FHOD3: variants seen among roughly 807,000 people sequenced by gnomAD.
FHOD3 encodes formin homology 2 domain containing 3, also known as FH1/FH2 domain-containing protein 3.
A neutral mutation model predicts 173.0 loss-of-function variants in FHOD3; 90 were observed. That is an observed-to-expected ratio of 0.52 (90% confidence interval 0.44 to 0.62). The LOEUF (loss-of-function observed/expected upper bound fraction) is 0.62, where lower values mean the gene tolerates loss of function less well. Ranked by LOEUF, FHOD3 falls within the 20% of genes least tolerant of loss-of-function variation. The probability of loss-of-function intolerance (pLI) is 0.00; values close to 1 mark genes in which losing one functional copy is unlikely to be tolerated. For synonymous variants in FHOD3, 828 were observed against 823.0 expected (o/e 1.01, Z -0.10); for missense variants, 1,945 against 2,034.7 (o/e 0.96, Z 0.85).
chr18:36,470,530 C>A (rs1173415430), intron 3 of FHOD3, among the ~76,000 whole-genome samples: 2 of 152,328 alleles, frequency 1.3e-5, no homozygotes, highest in African/African-American at 4.8e-5. Flanking sequence ...GACTTTCTCA[C>A]GTCCTTGTGC....
intron 14 of FHOD3, among the ~76,000 whole-genome samples, chr18:36,663,604 T>C (rs755750599): frequency 6.6e-6 from 1 of 152,246 alleles, no homozygotes; most frequent in Non-Finnish European, 1.5e-5. Context: ...AAGCCTTCTG[T>C]GCTTCTGTGG....
chr18:36,667,223 C>T (rs897098531), intron 14 of FHOD3, among the ~76,000 whole-genome samples: 4 of 151,998 alleles, frequency 2.6e-5, no homozygotes, highest in Non-Finnish European at 4.4e-5. Flanking sequence ...TATAGTCATT[C>T]GTCACTTAAT....
intron 3 of FHOD3, among the ~76,000 whole-genome samples, chr18:36,380,705 T>C (rs1327106634): frequency 6.6e-6 from 1 of 151,376 alleles, no homozygotes; most frequent in Admixed American, 6.6e-5. Flanking sequence ...TAAATTTAGA[T>C]AATGTATTTA....
chr18:36,308,331 G>T (rs2092157921), intron 1 of FHOD3, among the ~76,000 whole-genome samples: 1 of 152,116 alleles, frequency 6.6e-6, no homozygotes, highest in Non-Finnish European at 1.5e-5. Flanking sequence ...TTAAGCATTG[G>T]AGGTAGCTGG....
intron 6 of FHOD3, among the ~76,000 whole-genome samples, chr18:36,592,555 A>G (rs1368907772): frequency 6.6e-6 from 1 of 152,252 alleles, no homozygotes; most frequent in East Asian, 1.9e-4. Context: ...CACCCTGAGC[A>G]TGATGGGGAG....
chr18:36,605,112 T>A lies in FHOD3; in HGVS notation c.813+2344T>A, dbSNP rs570562299. 7.2e-5 allele frequency among the ~76,000 whole-genome samples: 11 copies of A among 152,344 alleles called. No individual in the cohort carries two copies. The South Asian group carries it at 1.7e-3, about 23-fold the overall frequency. On this transcript the variant is annotated intron_variant, in intron 8 of 28. Coordinates refer to ENST00000590592, the MANE Select transcript of FHOD3 (RefSeq NM_001281740.3). ...AGAATTCTGCTTTTATTTTCAAATCTTTTTGTGAGCTCATTTTACCATTTG... is the reference window on the plus strand; with the variant it reads ...AGAATTCTGCTTTTATTTTCAAATCATTTTGTGAGCTCATTTTACCATTTG...
intron 3 of FHOD3, among the ~76,000 whole-genome samples, chr18:36,379,922 G>A (rs2146247406): frequency 6.6e-6 from 1 of 152,248 alleles, no homozygotes; most frequent in South Asian, 2.1e-4. Context: ...GTATCCAGAG[G>A]GTGTGGGAGT....
chr18:36,480,926 A>G (rs2053849535), intron 3 of FHOD3, among the ~76,000 whole-genome samples: 1 of 147,676 alleles, frequency 6.8e-6, no homozygotes, highest in Non-Finnish European at 1.5e-5. Context: ...TCATGGCATT[A>G]GGAAAGCATT....
intron 3 of FHOD3, among the ~76,000 whole-genome samples, chr18:36,432,099 G>A (rs755117877): frequency 9.9e-5 from 15 of 152,158 alleles, no homozygotes; most frequent in Non-Finnish European, 1.8e-4. Context: ...CTCAGGGAAC[G>A]GAGAGCAGTT....
intron 1 of FHOD3, among the ~76,000 whole-genome samples, chr18:36,302,681 A>G (rs2091986052): frequency 6.6e-6 from 1 of 152,238 alleles, no homozygotes; most frequent in South Asian, 2.1e-4. Flanking sequence ...GTATTATTGC[A>G]CTAATGAATT....
chr18:36,658,728 A>C (rs1354932656), intron 14 of FHOD3, among the ~76,000 whole-genome samples: 1 of 152,228 alleles, frequency 6.6e-6, no homozygotes, highest in Admixed American at 6.5e-5. Flanking sequence ...TTGCCCAAGG[A>C]TGTGTTTACA....
At chr18:36,655,187 T>G (rs1304387668) in intron 13 of FHOD3, among the ~76,000 whole-genome samples, 2 of 152,126 alleles carry the variant, frequency 1.3e-5, no homozygotes, top group Admixed American at 1.3e-4. Flanking sequence ...TCACACAGTT[T>G]TTGCGGAATG....
At position 36,577,982 on chromosome 18, in the gene FHOD3, T is replaced by TACG. The variant is rs1282062965; in HGVS notation, c.606+1437_606+1438insACG. ...AGGTGCACATGCACCAAGGTTAAAGTGCTGTACGGGTGGCACGTTATGGAG... is the reference window on the plus strand; with the variant it reads ...AGGTGCACATGCACCAAGGTTAAAGTACGGCTGTACGGGTGGCACGTTATGGAG... On this transcript the variant is annotated intron_variant, in intron 6 of 28. Transcript: ENST00000590592. 8.8e-3 allele frequency among the ~76,000 whole-genome samples: 1,345 copies of TACG among 152,216 alleles called. 21 individuals carry two copies. The highest frequency in any genetic ancestry group is 0.031 in the African/African-American group (1,300 of 41,512).
intron 6 of FHOD3, among the ~76,000 whole-genome samples, chr18:36,592,482 G>T (rs989408763): frequency 6.6e-6 from 1 of 152,238 alleles, no homozygotes; most frequent in African/African-American, 2.4e-5. Flanking sequence ...GAGAGGGGGT[G>T]TCAAGAAAGG....
intron 3 of FHOD3, among the ~76,000 whole-genome samples, chr18:36,376,805 T>C (rs989148946): frequency 6.6e-6 from 1 of 152,252 alleles, no homozygotes; most frequent in Non-Finnish European, 1.5e-5. Context: ...TGCTTTGCAC[T>C]ACATTGTTAT....
chr18:36,428,596 G>GTGTC (rs34005642), intron 3 of FHOD3, among the ~76,000 whole-genome samples: 5 of 152,162 alleles, frequency 3.3e-5, no homozygotes, highest in South Asian at 4.1e-4. Flanking sequence ...CCAGGCATCT[G>GTGTC]TGTCTGTCTG....
intron 14 of FHOD3, among the ~76,000 whole-genome samples, chr18:36,676,545 G>A (rs958046547): frequency 1.3e-5 from 2 of 152,056 alleles, no homozygotes; most frequent in African/African-American, 4.8e-5. Context: ...CTAGATAAAC[G>A]TAGAAGTGGA....
chr18:36,737,620 C>T (rs905115999), intron 20 of FHOD3, among the ~76,000 whole-genome samples: 5 of 152,106 alleles, frequency 3.3e-5, no homozygotes, highest in African/African-American at 1.2e-4. Flanking sequence ...GGCTCACCTT[C>T]GATAACTTTA....
intron 21 of FHOD3, 138 bp downstream of exon 21, chr18:36,740,976 G>A (rs1000194115): frequency 6.0e-5 from 48 of 796,690 alleles, no homozygotes; most frequent in East Asian, 5.6e-4. Flanking sequence ...TGAGGAGGTC[G>A]TGTGTACACC....
Sources: gnomAD v4.1 joint callset for allele counts (sites outside exome capture counted in the v4.1 genomes callset) on GRCh38, gnomAD v4.1.1 for gene constraint, MANE v1.5 for transcripts, NCBI Gene and HGNC (gene_info 2026-07-23, HGNC 2026-07-21) for gene names.